Variants in MIR2052HG observed in about 807,000 individuals in gnomAD.
The protein encoded by MIR2052HG is MIR2052 host gene.
chr8:74,669,782 C>T (rs759735366), intron 2 of MIR2052HG, among the ~76,000 whole-genome samples: 15 of 152,144 alleles, frequency 9.9e-5, no homozygotes, highest in Non-Finnish European at 2.2e-4. Context: ...TCTCAAATGT[C>T]ATCTCTTCAG....
intron 2 of MIR2052HG, among the ~76,000 whole-genome samples, chr8:74,698,040 T>C (rs895539869): frequency 6.6e-6 from 1 of 151,978 alleles, no homozygotes; most frequent in African/African-American, 2.4e-5. Context: ...AAAGAGCTCA[T>C]GTAGCCAATG....
intron 4 of MIR2052HG, among the ~76,000 whole-genome samples, chr8:74,723,735 T>C (rs1216599780): frequency 1.3e-5 from 2 of 152,218 alleles, no homozygotes; most frequent in East Asian, 3.9e-4. Context: ...CATTTCAGGA[T>C]ACTGTTGCTA....
At chr8:74,672,499 G>A (rs1159815876) in intron 2 of MIR2052HG, among the ~76,000 whole-genome samples, 1 of 152,050 alleles carries the variant, frequency 6.6e-6, no homozygotes, top group East Asian at 1.9e-4. Flanking sequence ...AGTTAAATTT[G>A]TCCAAGGGTC....
At chr8:74,756,029 G>C (rs1028096273) in intron 5 of MIR2052HG, among the ~76,000 whole-genome samples, 2 of 152,080 alleles carry the variant, frequency 1.3e-5, no homozygotes, top group African/African-American at 4.8e-5. Flanking sequence ...TGAGGTGGGG[G>C]GTCTCCAGAC....
intron 2 of MIR2052HG, among the ~76,000 whole-genome samples, chr8:74,656,974 T>C (rs1808813764): frequency 6.6e-6 from 1 of 152,166 alleles, no homozygotes; most frequent in African/African-American, 2.4e-5. Flanking sequence ...CCTTCCTTCA[T>C]ACCTAGAGGC....
chr8:74,632,822 C>T (rs1169941474), intron 2 of MIR2052HG, among the ~76,000 whole-genome samples: 1 of 152,036 alleles, frequency 6.6e-6, no homozygotes, highest in East Asian at 1.9e-4. Context: ...TTGGCATAAT[C>T]AGCTCGTGTT....
intron 2 of MIR2052HG, among the ~76,000 whole-genome samples, chr8:74,630,888 G>C (rs529559749): frequency 6.6e-6 from 1 of 152,246 alleles, no homozygotes; most frequent in South Asian, 2.1e-4. Flanking sequence ...TATCTTCTTT[G>C]TAAAAATGAG....
intron 2 of MIR2052HG, among the ~76,000 whole-genome samples, chr8:74,653,424 C>T (rs1452147259): frequency 6.6e-6 from 1 of 152,146 alleles, no homozygotes; most frequent in African/African-American, 2.4e-5. Context: ...TTTCTGTTTT[C>T]ATTTTCATAA....
At chr8:74,672,925 T>C (rs918102980) in intron 2 of MIR2052HG, among the ~76,000 whole-genome samples, 1 of 152,088 alleles carries the variant, frequency 6.6e-6, no homozygotes, top group African/African-American at 2.4e-5. Flanking sequence ...TGGAGTAAGT[T>C]CCATGCTCTG....
At chr8:74,725,751 A>C (rs1036684353) in intron 4 of MIR2052HG, among the ~76,000 whole-genome samples, 1 of 152,110 alleles carries the variant, frequency 6.6e-6, no homozygotes, top group African/African-American at 2.4e-5. Flanking sequence ...CCTACACTGA[A>C]CAAAGTGCAT....
At chr8:74,703,415 T>C (rs1475909812) in intron 3 of MIR2052HG, among the ~76,000 whole-genome samples, 1 of 151,986 alleles carries the variant, frequency 6.6e-6, no homozygotes, top group African/African-American at 2.4e-5. Context: ...GAATGGGAAA[T>C]ACCTAAAGTT....
Position 74,746,720 on chromosome 8 carries a change from C to T in MIR2052HG, n.372-5721C>T, listed in dbSNP as rs553326872. ...AGAGAAGAGAGAGAAGATGGAGGAG[C>T]TTAATTTAGGATCAAGGCTGTGAAG... On this transcript the variant is annotated intron_variant and non_coding_transcript_variant, in intron 4 of 6. Transcript: ENST00000523442. 3.3e-5 allele frequency among the ~76,000 whole-genome samples: 5 copies of T among 151,666 alleles called. No individual in the cohort carries two copies. In the East Asian group the frequency reaches 9.7e-4, roughly 30 times the overall value.
intron 4 of MIR2052HG, among the ~76,000 whole-genome samples, chr8:74,721,419 T>G (rs1179583665): frequency 6.6e-6 from 1 of 152,182 alleles, no homozygotes; most frequent in Non-Finnish European, 1.5e-5. Flanking sequence ...AACTGGGCAT[T>G]TTTTCAGTCC....
intron 2 of MIR2052HG, among the ~76,000 whole-genome samples, chr8:74,650,316 C>A (rs1196440370): frequency 6.6e-6 from 1 of 152,064 alleles, no homozygotes; most frequent in Non-Finnish European, 1.5e-5. Flanking sequence ...ACTTTTTTCA[C>A]TTAACGTAAG....
In MIR2052HG at chr8:74,654,435, A is replaced by G. The variant is rs965226954; in HGVS notation, n.216+41495A>G. Reference sequence around the variant, plus strand: ...CCACCCAAATCTCACCTTGAATTATATCTCCCGGAACTCCCCCGTGTTGTG... The same window carrying G: ...CCACCCAAATCTCACCTTGAATTATGTCTCCCGGAACTCCCCCGTGTTGTG... On this transcript the variant is annotated intron_variant and non_coding_transcript_variant, in intron 2 of 6. Coordinates refer to ENST00000523442, the Ensembl canonical transcript of MIR2052HG. 2.4e-4 allele frequency among the ~76,000 whole-genome samples: 37 copies of G among 152,244 alleles called. 2 individuals carry two copies. The East Asian group carries it at 6.4e-3, about 26-fold the overall frequency.
chr8:74,659,294 A>C (rs537336100), intron 2 of MIR2052HG, among the ~76,000 whole-genome samples: 16 of 152,370 alleles, frequency 1.1e-4, no homozygotes, highest in Admixed American at 6.5e-5. Context: ...AACAGATGGA[A>C]TACATAGTTA....
chr8:74,684,796 A>T (rs1304952827), intron 2 of MIR2052HG, among the ~76,000 whole-genome samples: 1 of 152,154 alleles, frequency 6.6e-6, no homozygotes, highest in Non-Finnish European at 1.5e-5. Flanking sequence ...AAGTGAGATT[A>T]AGTCAGCAGA....
chr8:74,623,823 T>C (rs1370874316), intron 2 of MIR2052HG, among the ~76,000 whole-genome samples: 2 of 152,220 alleles, frequency 1.3e-5, no homozygotes, highest in Non-Finnish European at 2.9e-5. Flanking sequence ...GCTACATGGC[T>C]TGATGATCTG....
At chr8:74,705,130 T>G (rs1223074550) in intron 4 of MIR2052HG, among the ~76,000 whole-genome samples, 1 of 151,966 alleles carries the variant, frequency 6.6e-6, no homozygotes, top group Admixed American at 6.6e-5. Context: ...AGAGTTTGAT[T>G]GACTACTGTT....
Sources: gnomAD v4.1 joint callset for allele counts (sites outside exome capture counted in the v4.1 genomes callset) on GRCh38, gnomAD v4.1.1 for gene constraint, MANE v1.5 for transcripts, NCBI Gene and HGNC (gene_info 2026-07-23, HGNC 2026-07-21) for gene names.